PRIM2: variants seen among roughly 807,000 people sequenced by gnomAD.
PRIM2 encodes the protein DNA primase large subunit.
In PRIM2, 39 loss-of-function variants were observed where a neutral mutation model predicts 67.3. That is an observed-to-expected ratio of 0.58 (90% confidence interval 0.45 to 0.76). The LOEUF is 0.76. PRIM2 is among the 30% of genes least tolerant of loss of function. The pLI is 0.00. For missense variants in PRIM2, 398 were observed against 598.7 expected (o/e 0.66, Z 3.50); for synonymous variants, 143 against 198.7 (o/e 0.72, Z 2.36).
At chr6:57,499,235 A>G (rs1554346624) in intron 7 of PRIM2, among the ~76,000 whole-genome samples, 1 of 152,254 alleles carries the variant, frequency 6.6e-6, no homozygotes, top group Admixed American at 6.5e-5. Context: ...AGAATGGCAC[A>G]TGCCCGACAG....
chr6:57,500,052 G>C (rs1581955377), intron 7 of PRIM2, among the ~76,000 whole-genome samples: 1 of 152,076 alleles, frequency 6.6e-6, no homozygotes, highest in Non-Finnish European at 1.5e-5. Context: ...TTCCTCTTCT[G>C]TAGCCACTGT....
chr6:57,450,299 C>G (rs1256698356), intron 7 of PRIM2, among the ~76,000 whole-genome samples: 1 of 152,086 alleles, frequency 6.6e-6, no homozygotes, highest in Admixed American at 6.5e-5. Flanking sequence ...TACTCAGAAA[C>G]CTGTTGGAAA....
At chr6:57,587,664 CAAAAAAAAAAAAA>C (rs1157172882) in intron 10 of PRIM2, among the ~76,000 whole-genome samples, 5 of 54,236 alleles carry the variant, frequency 9.2e-5, no homozygotes, top group Admixed American at 3.5e-4. Context: ...GACTCTGTCT[CAAAAAAAAAAAAA>C]AAAAAAAAAA....
chr6:57,645,431 C>G (rs1211110117), intron 13 of PRIM2, among the ~76,000 whole-genome samples: 1 of 149,810 alleles, frequency 6.7e-6, no homozygotes, highest in East Asian at 1.9e-4. Flanking sequence ...TAATTGTCAA[C>G]CAGAATTGGT....
upstream of PRIM2, among the ~76,000 whole-genome samples, chr6:57,311,160 T>C (rs1193523394): frequency 3.9e-5 from 5 of 128,916 alleles, no homozygotes; most frequent in Non-Finnish European, 8.0e-5. Flanking sequence ...GCCCCTCACC[T>C]CCCGGACGGG....
At chr6:57,633,787 A>C (rs1777073435) in intron 13 of PRIM2, among the ~76,000 whole-genome samples, 2 of 152,226 alleles carry the variant, frequency 1.3e-5, no homozygotes, top group East Asian at 3.9e-4. Context: ...GCCACTGCTG[A>C]TCTGACAGGA....
At chr6:57,251,371 G>A in the PRIM2 span, among the ~76,000 whole-genome samples, 2 of 152,294 alleles carry the variant, frequency 1.3e-5, no homozygotes, top group African/African-American at 4.8e-5. Context: ...CCACAATAAA[G>A]GTTCATTTCT....
At chr6:57,633,633 G>C (rs1172317491) in intron 13 of PRIM2, among the ~76,000 whole-genome samples, 4 of 152,206 alleles carry the variant, frequency 2.6e-5, no homozygotes, top group African/African-American at 9.6e-5. Flanking sequence ...TTTGGCACCA[G>C]GGACCAGTTT....
the PRIM2 span, among the ~76,000 whole-genome samples, chr6:57,229,797 C>T: frequency 1.3e-3 from 198 of 152,170 alleles, no homozygotes; most frequent in African/African-American, 4.4e-3. Context: ...GCCTGCATTG[C>T]TTTAATTCTT....
chr6:57,320,577 A>G lies in PRIM2; in HGVS notation c.258+17A>G. 1 of 1,527,000 alleles carries G rather than the reference A, an allele frequency of 6.5e-7. No homozygotes were observed. Among genetic ancestry groups the G allele is most frequent in the Non-Finnish European group, 8.9e-7 (1 of 1,126,610 alleles). 94.6% of individuals were successfully genotyped at this position (1,527,000 alleles called of 1,614,324 possible). ...TCCTACAGAGTAAGTAAAAAAGGAA[A>G]AAAAAGTTCCTTCAGTTTCTATGCA... On this transcript the variant is annotated intron_variant, in intron 3 of 13. Transcript: ENST00000615550.
At chr6:57,426,665 G>A (rs1409986655) in intron 7 of PRIM2, among the ~76,000 whole-genome samples, 3 of 152,232 alleles carry the variant, frequency 2.0e-5, no homozygotes, top group Non-Finnish European at 1.5e-5. Context: ...CATTGCCGTT[G>A]AGGGGTGTAC....
chr6:57,456,593 GTGCA>G (rs1772790229), intron 7 of PRIM2, among the ~76,000 whole-genome samples: 1 of 152,024 alleles, frequency 6.6e-6, no homozygotes, highest in Non-Finnish European at 1.5e-5. Context: ...ACTGAGGCTT[GTGCA>G]TTCGTCACGT....
intron 7 of PRIM2, among the ~76,000 whole-genome samples, chr6:57,410,595 C>T (rs1441873912): frequency 6.6e-6 from 1 of 151,784 alleles, no homozygotes; most frequent in African/African-American, 2.4e-5. Flanking sequence ...TCTTCTAGGT[C>T]TTGTAACTAT....
chr6:57,440,435 A>T (rs930533988), intron 7 of PRIM2, among the ~76,000 whole-genome samples: 2 of 152,142 alleles, frequency 1.3e-5, no homozygotes, highest in African/African-American at 4.8e-5. Context: ...AACAGTCTTG[A>T]TTATTTGTTG....
chr6:57,508,137 A>G (rs1314650138), intron 8 of PRIM2, among the ~76,000 whole-genome samples: 5 of 152,062 alleles, frequency 3.3e-5, no homozygotes, highest in African/African-American at 1.2e-4. Context: ...GGGTTTCGCC[A>G]TATTGGCCAG....
intron 3 of PRIM2, among the ~76,000 whole-genome samples, chr6:57,321,398 C>T (rs1176176720): frequency 6.6e-6 from 1 of 152,032 alleles, no homozygotes; most frequent in Non-Finnish European, 1.5e-5. Context: ...TCTGAATATA[C>T]AGGAAGACAT....
At chr6:57,449,771 G>T (rs1253147751) in intron 7 of PRIM2, among the ~76,000 whole-genome samples, 6 of 152,090 alleles carry the variant, frequency 3.9e-5, no homozygotes, top group African/African-American at 7.2e-5. Flanking sequence ...TTAATGGAAA[G>T]AAAATGTTAA....
At position 57,532,012 on chromosome 6, in the gene PRIM2, GTAAC is replaced by G. The variant is rs1402972764; in HGVS notation, c.762-395_762-392del. Among the ~76,000 whole-genome samples the G allele has an allele frequency of 3.9e-3, 598 of 152,256 alleles. 2 individuals carry two copies. Among genetic ancestry groups the G allele is most frequent in the African/African-American group, 0.014 (563 of 41,550 alleles). Reference sequence around the variant, plus strand: ...CAATAAGGCACCTGGCATACAGAGAGTAACTAAGTAACTTGCTCACCTACTACTT... The same window carrying G: ...CAATAAGGCACCTGGCATACAGAGAGTAAGTAACTTGCTCACCTACTACTT... On this transcript the variant is annotated intron_variant, in intron 8 of 13. Coordinates refer to ENST00000615550, the MANE Select transcript of PRIM2 (RefSeq NM_000947.5).
At chr6:57,308,329 C>T in the PRIM2 span, among the ~76,000 whole-genome samples, 2 of 151,984 alleles carry the variant, frequency 1.3e-5, no homozygotes, top group African/African-American at 4.8e-5. Flanking sequence ...CACCGTGTTG[C>T]TCAGGCTGGT....
Sources: allele counts gnomAD v4.1 joint callset (sites outside exome capture counted in the v4.1 genomes callset), GRCh38; gene constraint gnomAD v4.1.1; transcripts MANE v1.5; gene names NCBI Gene and HGNC (gene_info 2026-07-23, HGNC 2026-07-21).